DLGAP1: variants seen among roughly 807,000 people sequenced by gnomAD.
DLGAP1 encodes disks large-associated protein 1.
A neutral mutation model predicts 90.8 loss-of-function variants in DLGAP1; 11 were observed. The observed-to-expected ratio is 0.12, with a 90% CI of 0.08 to 0.20. The LOEUF (loss-of-function observed/expected upper bound fraction) is 0.20. Among genes scored for constraint, DLGAP1 ranks in the 10% least tolerant of loss-of-function variants. The pLI is 1.00. For synonymous variants in DLGAP1, 558 were observed against 540.7 expected, an observed-to-expected ratio of 1.03 and a Z score of -0.44; for missense variants, 1,050 against 1,333.8, an observed-to-expected ratio of 0.79 and a Z score of 3.31.
intron 1 of DLGAP1, among the ~76,000 whole-genome samples, chr18:4,377,397 T>G (rs2082035747): frequency 6.6e-6 from 1 of 152,198 alleles, no homozygotes; most frequent in Admixed American, 6.6e-5. Flanking sequence ...AATACATTGC[T>G]TAAAAATGTC....
intron 1 of DLGAP1, among the ~76,000 whole-genome samples, chr18:4,412,233 T>C (rs1441025861): frequency 6.6e-6 from 1 of 152,148 alleles, no homozygotes; most frequent in Non-Finnish European, 1.5e-5. Flanking sequence ...CTGTGAGATT[T>C]GCAATATCTC....
chr18:3,977,434 G>GGGTTTTTTTT lies in DLGAP1; in HGVS notation c.-73+27681_-73+27682insAAAAAAAACC, dbSNP rs767760816. Reference sequence around the variant, plus strand: ...AGTTAATGAATTATGTTTATTCTGTGTTTTTTTTTTTTTTTTTTTTGCTGA... The same window carrying GGGTTTTTTTT: ...AGTTAATGAATTATGTTTATTCTGTGGGTTTTTTTTTTTTTTTTTTTTTTTTTTTTGCTGA... On this transcript the variant is annotated intron_variant, in intron 3 of 12. Transcript: ENST00000315677. Among the ~76,000 whole-genome samples the GGGTTTTTTTT allele has an allele frequency of 1.9e-3, 183 of 95,308 alleles. 2 individuals carry two copies. Among genetic ancestry groups the GGGTTTTTTTT allele is most frequent in the Middle Eastern group, 8.1e-3 (1 of 124 alleles). The allele number at this position is 95,308 out of a possible 152,430, so 62.5% of individuals were successfully genotyped here. A position where few individuals can be genotyped will look rare whatever the true frequency, so the allele number is the denominator to read the frequency against.
intron 7 of DLGAP1, among the ~76,000 whole-genome samples, chr18:3,661,880 C>A (rs979266662): frequency 1.3e-5 from 2 of 151,996 alleles, no homozygotes; most frequent in African/African-American, 4.8e-5. Flanking sequence ...CTGCTCCCGG[C>A]CAGCTGTAAG....
intron 1 of DLGAP1, among the ~76,000 whole-genome samples, chr18:4,420,395 T>C (rs1326556365): frequency 5.2e-5 from 1 of 19,390 alleles, no homozygotes; most frequent in Non-Finnish European, 7.0e-4. Context: ...CCATTGGACA[T>C]GAAACATTCA....
intron 12 of DLGAP1, among the ~76,000 whole-genome samples, chr18:3,500,950 G>A (rs952338735): frequency 2.0e-5 from 3 of 151,950 alleles, no homozygotes; most frequent in Non-Finnish European, 4.4e-5. Flanking sequence ...CTCTCGCTCT[G>A]TCACCCAGGC....
intron 3 of DLGAP1, chr18:3,962,229 C>T (rs1307456237): frequency 1.3e-5 from 2 of 152,066 alleles, no homozygotes; most frequent in African/African-American, 4.8e-5. Flanking sequence ...GAAATAAATT[C>T]CCTAGTTATT....
At chr18:4,072,867 C>G (rs569651944) in intron 2 of DLGAP1, among the ~76,000 whole-genome samples, 2 of 152,106 alleles carry the variant, frequency 1.3e-5, no homozygotes, top group Non-Finnish European at 2.9e-5. Flanking sequence ...TATTATTACA[C>G]CTTGATTTGA....
At chr18:3,712,381 G>A (rs1466649705) in intron 7 of DLGAP1, among the ~76,000 whole-genome samples, 1 of 152,100 alleles carries the variant, frequency 6.6e-6, no homozygotes, top group Non-Finnish European at 1.5e-5. Context: ...GGGCACGCAG[G>A]GTCTCTGTAG....
chr18:3,583,751 G>A (rs923026756), intron 7 of DLGAP1, among the ~76,000 whole-genome samples: 3 of 152,036 alleles, frequency 2.0e-5, no homozygotes, highest in African/African-American at 4.8e-5. Context: ...AGTTTGAGAC[G>A]AGCCTGGTCA....
At chr18:4,266,846 T>C (rs1337205384) in intron 1 of DLGAP1, among the ~76,000 whole-genome samples, 1 of 152,244 alleles carries the variant, frequency 6.6e-6, no homozygotes, top group Non-Finnish European at 1.5e-5. Flanking sequence ...ATATGGGCTA[T>C]ATGTATAATT....
intron 1 of DLGAP1, among the ~76,000 whole-genome samples, chr18:4,340,982 A>G (rs2081177032): frequency 6.6e-6 from 1 of 152,158 alleles, no homozygotes; most frequent in African/African-American, 2.4e-5. Context: ...CAATTATGTC[A>G]TAGAAAGAAA....
chr18:4,332,807 T>C (rs1410435016), intron 1 of DLGAP1, among the ~76,000 whole-genome samples: 1 of 152,032 alleles, frequency 6.6e-6, no homozygotes, highest in Non-Finnish European at 1.5e-5. Context: ...CCCATTTTCC[T>C]TCTGACCTCT....
At chr18:4,270,479 G>T (rs778240978) in intron 1 of DLGAP1, among the ~76,000 whole-genome samples, 12 of 152,120 alleles carry the variant, frequency 7.9e-5, no homozygotes, top group African/African-American at 2.9e-4. Flanking sequence ...AACTTTTCAC[G>T]AGAATAATTA....
chr18:4,034,864 ACT>A (rs1222672494), intron 2 of DLGAP1, among the ~76,000 whole-genome samples: 1 of 151,780 alleles, frequency 6.6e-6, no homozygotes, highest in East Asian at 1.9e-4. Flanking sequence ...GAAATTACAG[ACT>A]CTAACTACTT....
chr18:4,120,156 A>C (rs1234680564), intron 2 of DLGAP1, among the ~76,000 whole-genome samples: 1 of 152,206 alleles, frequency 6.6e-6, no homozygotes, highest in East Asian at 1.9e-4. Flanking sequence ...TTATTAGGAG[A>C]CCTTTAAAAA....
chr18:3,532,608 C>T (rs1415907661), intron 10 of DLGAP1, among the ~76,000 whole-genome samples: 1 of 151,374 alleles, frequency 6.6e-6, no homozygotes, highest in Non-Finnish European at 1.5e-5. Flanking sequence ...AAAGAAAAAG[C>T]TCATAATAAA....
At chr18:3,697,727 C>A (rs1021736648) in intron 7 of DLGAP1, among the ~76,000 whole-genome samples, 1 of 152,006 alleles carries the variant, frequency 6.6e-6, no homozygotes, top group African/African-American at 2.4e-5. Context: ...TAGACCAAGT[C>A]CTGAATTTCC....
intron 10 of DLGAP1, among the ~76,000 whole-genome samples, chr18:3,515,015 T>A (rs1202141638): frequency 2.0e-5 from 3 of 152,192 alleles, no homozygotes; most frequent in African/African-American, 7.2e-5. Context: ...ACTGCTGACA[T>A]TACAGGCATG....
chr18:3,781,963 C>T (rs1311373460), intron 5 of DLGAP1, among the ~76,000 whole-genome samples: 1 of 151,954 alleles, frequency 6.6e-6, no homozygotes, highest in Non-Finnish European at 1.5e-5. Flanking sequence ...ATACAGCTAT[C>T]CTTGTTGTTG....
Sources: allele counts gnomAD v4.1 joint callset (sites outside exome capture counted in the v4.1 genomes callset), GRCh38; gene constraint gnomAD v4.1.1; transcripts MANE v1.5; gene names NCBI Gene and HGNC (gene_info 2026-07-23, HGNC 2026-07-21).